Variants in FRYL observed in about 807,000 individuals in gnomAD.
FRYL encodes the protein protein furry homolog-like.
In FRYL, 150 loss-of-function variants were observed where a neutral mutation model predicts 351.2. The ratio of observed to expected loss-of-function variants is 0.43; its 90% CI spans 0.37 to 0.49. FRYL has a LOEUF of 0.49. FRYL is among the 20% of genes least tolerant of loss of function. The pLI is 0.00. For missense variants in FRYL, 3,036 were observed against 3,619.3 expected, an observed-to-expected ratio of 0.84 and a Z score of 4.13; for synonymous variants, 1,153 against 1,257.1, an observed-to-expected ratio of 0.92 and a Z score of 1.75.
At chr4:48,561,861 A>T (rs182371323) in intron 32 of FRYL, among the ~76,000 whole-genome samples, 5 of 152,190 alleles carry the variant, frequency 3.3e-5, no homozygotes, top group African/African-American at 4.8e-5. Context: ...CAAAAAAATT[A>T]AAAAATTAGC....
intron 8 of FRYL, 23 bp from the exon 9 acceptor site, chr4:48,609,090 A>G (rs576125342): frequency 2.8e-6 from 4 of 1,412,676 alleles, no homozygotes; most frequent in Admixed American, 3.5e-5. Context: ...AAGAACAAAC[A>G]TAACATTTCA....
chr4:48,541,602 C>T (rs752456167), intron 45 of FRYL, among the ~76,000 whole-genome samples: 1 of 152,130 alleles, frequency 6.6e-6, no homozygotes, highest in Non-Finnish European at 1.5e-5. Context: ...GTTAGAAATG[C>T]TTAGCTAGGA....
intron 3 of FRYL, among the ~76,000 whole-genome samples, chr4:48,669,543 T>A (rs1464900071): frequency 2.0e-5 from 3 of 150,360 alleles, no homozygotes; most frequent in Admixed American, 1.3e-4. Context: ...CATTATAATT[T>A]ATAATAATAT....
intron 1 of FRYL, among the ~76,000 whole-genome samples, chr4:48,762,747 T>C: frequency 6.6e-6 from 1 of 152,192 alleles, no homozygotes; most frequent in East Asian, 1.9e-4. Context: ...TTGATCACCA[T>C]CACATACCAT....
intron 39 of FRYL, 137 bp from the exon 40 acceptor site, chr4:48,548,930 A>G (rs1043457242): frequency 8.6e-6 from 5 of 583,534 alleles, no homozygotes; most frequent in African/African-American, 1.9e-5. Context: ...AGGAGGAAAA[A>G]CAAATACAGC....
chr4:48,759,952 C>G (rs1774230782), intron 1 of FRYL, among the ~76,000 whole-genome samples: 1 of 152,110 alleles, frequency 6.6e-6, no homozygotes, highest in Non-Finnish European at 1.5e-5. Context: ...TTGGAGGGCT[C>G]CTATTCTGCC....
At chr4:48,758,269 A>C (rs1774010525) in intron 1 of FRYL, among the ~76,000 whole-genome samples, 1 of 152,262 alleles carries the variant, frequency 6.6e-6, no homozygotes, top group Admixed American at 6.5e-5. Context: ...TCTGCAAAAG[A>C]AACTACCATC....
chr4:48,617,770 T>A (rs1749839583), intron 7 of FRYL: 1 of 152,132 alleles, frequency 6.6e-6, no homozygotes, highest in South Asian at 2.1e-4. Flanking sequence ...ATTGGGCAAC[T>A]TTAGGATGAG....
At chr4:48,574,724 G>C (rs1739195838) in intron 25 of FRYL, among the ~76,000 whole-genome samples, 1 of 152,090 alleles carries the variant, frequency 6.6e-6, no homozygotes, top group Admixed American at 6.5e-5. Flanking sequence ...AATACTTTTT[G>C]AAAGATACTC....
intron 58 of FRYL, among the ~76,000 whole-genome samples, chr4:48,510,365 C>G (rs1722216725): frequency 6.6e-6 from 1 of 152,176 alleles, no homozygotes; most frequent in Non-Finnish European, 1.5e-5. Flanking sequence ...GAAGGACATC[C>G]TCAAGTGTTT....
At chr4:48,548,103 G>A (rs1731783143) in intron 40 of FRYL, among the ~76,000 whole-genome samples, 1 of 151,900 alleles carries the variant, frequency 6.6e-6, no homozygotes, top group Non-Finnish European at 1.5e-5. Flanking sequence ...GCACATAACA[G>A]AAAGTACATG....
intron 7 of FRYL, among the ~76,000 whole-genome samples, chr4:48,617,383 C>T (rs531822157): frequency 6.7e-6 from 1 of 148,948 alleles, no homozygotes; most frequent in East Asian, 2.0e-4. Context: ...GGGTCTTGCA[C>T]TGTCACCCAG....
intron 3 of FRYL, among the ~76,000 whole-genome samples, chr4:48,641,365 T>C (rs1388007135): frequency 1.3e-5 from 2 of 152,070 alleles, no homozygotes; most frequent in Non-Finnish European, 2.9e-5. Context: ...GGGAACAAAA[T>C]ATAATTTAAT....
At chr4:48,574,050 A>G (rs146614718) in intron 25 of FRYL, among the ~76,000 whole-genome samples, 80 of 152,214 alleles carry the variant, frequency 5.3e-4, no homozygotes, top group African/African-American at 1.8e-3. Context: ...TTTCGTTTCT[A>G]TCCCCTTAGG....
intron 5 of FRYL, among the ~76,000 whole-genome samples, chr4:48,620,987 GT>G (rs1750531490): frequency 6.6e-6 from 1 of 152,146 alleles, no homozygotes; most frequent in Non-Finnish European, 1.5e-5. Context: ...AATCCACGTG[GT>G]TTAGCTCAAT....
At chr4:48,528,916 T>C (rs1726897684) in intron 50 of FRYL, among the ~76,000 whole-genome samples, 1 of 152,198 alleles carries the variant, frequency 6.6e-6, no homozygotes, top group African/African-American at 2.4e-5. Flanking sequence ...TATTTGACTT[T>C]GTAAAGTGTT....
At chr4:48,674,241 A>G (rs1485105594) in intron 3 of FRYL, among the ~76,000 whole-genome samples, 2 of 152,168 alleles carry the variant, frequency 1.3e-5, no homozygotes, top group Non-Finnish European at 2.9e-5. Flanking sequence ...GAATCAGTAA[A>G]TAATATCTTC....
chr4:48,574,193 TAAG>T (rs1347191063), intron 25 of FRYL, among the ~76,000 whole-genome samples: 3 of 152,118 alleles, frequency 2.0e-5, no homozygotes, highest in Non-Finnish European at 2.9e-5. Flanking sequence ...TGAAAAAACA[TAAG>T]AAGAAAAAAA....
chr4:48,750,556 G>C (rs1160939641), intron 1 of FRYL, among the ~76,000 whole-genome samples: 2 of 152,216 alleles, frequency 1.3e-5, no homozygotes, highest in Non-Finnish European at 2.9e-5. Context: ...AATGGTAGCA[G>C]CTTGGAAGAG....
Sources: allele counts gnomAD v4.1 joint callset (sites outside exome capture counted in the v4.1 genomes callset), GRCh38; gene constraint gnomAD v4.1.1; transcripts MANE v1.5; gene names NCBI Gene and HGNC (gene_info 2026-07-23, HGNC 2026-07-21).